The following KCNK9 variants were observed in gnomAD, a reference collection of about 807,000 sequenced individuals.
KCNK9 encodes the protein potassium two pore domain channel subfamily K member 9.
KCNK9 carries 1 observed loss-of-function variant against 10.8 expected under a neutral mutation model. The observed-to-expected ratio is 0.09, with a 90% CI of 0.03 to 0.44. KCNK9 has a LOEUF of 0.44. KCNK9 is among the 20% of genes least tolerant of loss of function. The pLI is 0.97. For missense variants in KCNK9, 303 were observed against 515.0 expected (o/e 0.59, Z 3.98); for synonymous variants, 231 against 222.7 (o/e 1.04, Z -0.33).
At chr8:139,645,674 C>G (rs1162077827) in intron 1 of KCNK9, among the ~76,000 whole-genome samples, 1 of 152,184 alleles carries the variant, frequency 6.6e-6, no homozygotes, top group Non-Finnish European at 1.5e-5. Flanking sequence ...AGCAGCCTGG[C>G]ATGGGCTTGT....
intron 1 of KCNK9, among the ~76,000 whole-genome samples, chr8:139,651,681 A>G (rs1815869255): frequency 6.6e-6 from 1 of 152,164 alleles, no homozygotes; most frequent in Admixed American, 6.5e-5. Flanking sequence ...TGCCAGAAGA[A>G]GACTAATTAG....
intron 2 of KCNK9, among the ~76,000 whole-genome samples, chr8:139,603,388 A>G (rs1817415458): frequency 6.6e-6 from 1 of 152,228 alleles, no homozygotes; most frequent in Non-Finnish European, 1.5e-5. Flanking sequence ...ATTAGGGAGC[A>G]AAAGGAAGTT....
chr8:139,637,764 C>CACACACACACACAT (rs1815383225), intron 1 of KCNK9, among the ~76,000 whole-genome samples: 1 of 148,906 alleles, frequency 6.7e-6, no homozygotes, highest in African/African-American at 2.4e-5. Context: ...CTACTCTACA[C>CACACACACACACAT]ACACACACAC....
downstream of KCNK9, among the ~76,000 whole-genome samples, chr8:139,609,193 G>A (rs1161345103): frequency 5.3e-5 from 7 of 132,348 alleles, no homozygotes; most frequent in East Asian, 1.1e-3. Flanking sequence ...CAGCTCTGCC[G>A]CTTTTCTGAG....
At chr8:139,682,622 AT>A (rs1816714975) in intron 1 of KCNK9, among the ~76,000 whole-genome samples, 1 of 152,144 alleles carries the variant, frequency 6.6e-6, no homozygotes. Context: ...AAGAGCTTAG[AT>A]TTCAAGGGCC....
At chr8:139,632,238 A>G (rs115054419) in intron 1 of KCNK9, among the ~76,000 whole-genome samples, 175 of 152,308 alleles carry the variant, frequency 1.1e-3, no homozygotes, top group African/African-American at 4.0e-3. Flanking sequence ...ACCCCACATC[A>G]TGCAAAAAAA....
chr8:139,671,014 G>A (rs1026033859), intron 1 of KCNK9, among the ~76,000 whole-genome samples: 7 of 152,286 alleles, frequency 4.6e-5, no homozygotes, highest in Admixed American at 1.3e-4. Context: ...GGAGAACCTC[G>A]CTCTGTTCTA....
At chr8:139,609,368 C>T (rs369891061), downstream of KCNK9, among the ~76,000 whole-genome samples, 152 of 151,964 alleles carry the variant, frequency 1.0e-3, 2 homozygotes, top group South Asian at 0.021. Context: ...GCTAAGCTGA[C>T]CTGAGGCAAG....
At chr8:139,641,270 C>A (rs1021133139) in intron 1 of KCNK9, among the ~76,000 whole-genome samples, 1 of 152,214 alleles carries the variant, frequency 6.6e-6, no homozygotes, top group Non-Finnish European at 1.5e-5. Flanking sequence ...AGCACCCACT[C>A]TCAGGGTGCC....
At chr8:139,673,204 T>C (rs1341713920) in intron 1 of KCNK9, among the ~76,000 whole-genome samples, 1 of 149,646 alleles carries the variant, frequency 6.7e-6, no homozygotes, top group African/African-American at 2.4e-5. Context: ...CTGGGGGGAA[T>C]GGAGGGCCGG....
intron 1 of KCNK9, among the ~76,000 whole-genome samples, chr8:139,695,048 T>C (rs1479459114): frequency 6.6e-6 from 1 of 152,238 alleles, no homozygotes; most frequent in Non-Finnish European, 1.5e-5. Context: ...TTCCCTGCCA[T>C]GAATTTTTCC....
chr8:139,609,106 A>ACCCCCTC (rs1554617339), downstream of KCNK9, among the ~76,000 whole-genome samples: 7 of 123,848 alleles, frequency 5.7e-5, no homozygotes, highest in East Asian at 2.5e-4. Context: ...GACCCATCCC[A>ACCCCCTC]CCCCACCCCG....
intron 1 of KCNK9, among the ~76,000 whole-genome samples, chr8:139,674,218 T>A (rs1393726430): frequency 6.6e-6 from 1 of 152,172 alleles, no homozygotes; most frequent in Non-Finnish European, 1.5e-5. Flanking sequence ...GGCCCTGTGA[T>A]GGGCTGAGGG....
At chr8:139,648,143 C>T (rs1381709644) in intron 1 of KCNK9, among the ~76,000 whole-genome samples, 1 of 152,132 alleles carries the variant, frequency 6.6e-6, no homozygotes, top group Non-Finnish European at 1.5e-5. Flanking sequence ...AAACCTAATG[C>T]TCAGTGAAGA....
chr8:139,672,216 A>T (rs1816445823), intron 1 of KCNK9, among the ~76,000 whole-genome samples: 1 of 152,054 alleles, frequency 6.6e-6, no homozygotes, highest in African/African-American at 2.4e-5. Context: ...CAGGACACAC[A>T]CCACCCACCT....
In KCNK9 at chr8:139,618,306, G is replaced by A; in HGVS notation, c.1077C>T (p.His359=). ...TCAGCCTCTGGTGGTCGGTAAAGCT[G>A]TGTAACCCAGGAGAGATGGAGCTAA... ...SPISSISPGL[H]SFTDHQRLMK... The change falls in exon 2 of 2, where the codon CAC becomes CAT. Residue 359 remains histidine, a synonymous_variant. Coordinates refer to ENST00000520439, the MANE Select transcript of KCNK9 (RefSeq NM_001282534.2). The surrounding 1 kb of genome is among the most constrained non-coding windows in gnomAD (Gnocchi z 7.9). The A allele has an allele frequency of 2.5e-6, 4 of 1,614,208 alleles. No individual in the cohort carries two copies. Among genetic ancestry groups the A allele is most frequent in the East Asian group, 2.2e-5 (1 of 44,884 alleles).
chr8:139,691,555 A>T (rs1265349704), intron 1 of KCNK9, among the ~76,000 whole-genome samples: 1 of 152,210 alleles, frequency 6.6e-6, no homozygotes, highest in Non-Finnish European at 1.5e-5. Context: ...AGGATCTCAC[A>T]GAATCCACAC....
intron 1 of KCNK9, among the ~76,000 whole-genome samples, chr8:139,652,667 C>T (rs568564869): frequency 7.9e-5 from 12 of 152,330 alleles, no homozygotes; most frequent in East Asian, 1.9e-4. Flanking sequence ...GGGGGAAATA[C>T]GGACCTTAAA....
intron 1 of KCNK9, among the ~76,000 whole-genome samples, chr8:139,621,781 G>A (rs1814789142): frequency 6.6e-6 from 1 of 152,140 alleles, no homozygotes; most frequent in African/African-American, 2.4e-5. Context: ...ATGCAGGGGT[G>A]GGAATCCTAC....
Sources: allele counts gnomAD v4.1 joint callset (sites outside exome capture counted in the v4.1 genomes callset), GRCh38; gene constraint gnomAD v4.1.1; non-coding constraint Gnocchi (gnomAD v3.1); transcripts MANE v1.5; gene names NCBI Gene and HGNC (gene_info 2026-07-23, HGNC 2026-07-21).